Variants in PXT1 observed in about 807,000 individuals in gnomAD.
PXT1 encodes peroxisomal testis-specific protein 1.
PXT1 carries 11 observed loss-of-function variants against 11.0 expected under a neutral mutation model. The observed-to-expected ratio is 1.00, with a 90% CI of 0.63 to 1.66. PXT1 has a LOEUF of 1.66. Ranked by LOEUF, PXT1 falls within the 40% of genes most tolerant of loss-of-function variation. PXT1 has a pLI of 0.00. For missense variants in PXT1, 141 were observed against 155.5 expected, an observed-to-expected ratio of 0.91 and a Z score of 0.49; for synonymous variants, 43 against 51.4, an observed-to-expected ratio of 0.84 and a Z score of 0.70.
Position 36,420,047 on chromosome 6 carries a change from GA to G in PXT1, c.169+5866del, listed in dbSNP as rs376205493. On this transcript the variant is annotated intron_variant, in intron 3 of 4. Transcript: ENST00000454782. ...TTCATTTATTTATTTTTCTAAACAA[GA>G]AAATCTATTTTTTAAGCAAACACTT... Among the ~76,000 whole-genome samples, 439 of 152,272 alleles carry G rather than the reference GA, an allele frequency of 2.9e-3. 2 individuals carry two copies. Among genetic ancestry groups the G allele is most frequent in the African/African-American group, 0.01 (419 of 41,514 alleles).
intron 3 of PXT1, among the ~76,000 whole-genome samples, chr6:36,422,824 T>A (rs977876386): frequency 6.6e-5 from 10 of 152,214 alleles, no homozygotes; most frequent in African/African-American, 1.9e-4. Flanking sequence ...TACACACACA[T>A]GCACACGCAT....
chr6:36,426,355 C>CTTTTTTTTT (rs751410377), intron 2 of PXT1, among the ~76,000 whole-genome samples: 4 of 76,774 alleles, frequency 5.2e-5, no homozygotes, highest in African/African-American at 5.1e-5. Context: ...CTCTCTCTCG[C>CTTTTTTTTT]TTTTTTTTTT....
chr6:36,399,473 T>TAAA (rs1171265943), intron 4 of PXT1, among the ~76,000 whole-genome samples: 1 of 152,172 alleles, frequency 6.6e-6, no homozygotes, highest in Non-Finnish European at 1.5e-5. Flanking sequence ...GCATTATTGT[T>TAAA]GGGATCTCCC....
At chr6:36,404,782 A>T (rs1561926347) in intron 3 of PXT1, among the ~76,000 whole-genome samples, 1 of 152,040 alleles carries the variant, frequency 6.6e-6, no homozygotes, top group Non-Finnish European at 1.5e-5. Flanking sequence ...ACATGGTGAA[A>T]CCCTGTCTCT....
At chr6:36,426,149 T>G in intron 2 of PXT1, 58 bp from the exon 3 acceptor site, 1 of 1,055,756 alleles carries the variant, frequency 9.5e-7, no homozygotes, top group Non-Finnish European at 1.3e-6. Context: ...TATTTGGTAT[T>G]TTAGATAAAT....
At chr6:36,418,174 C>T (rs1774477706) in intron 3 of PXT1, among the ~76,000 whole-genome samples, 1 of 150,474 alleles carries the variant, frequency 6.6e-6, no homozygotes, top group Middle Eastern at 3.5e-3. Context: ...CCAGCCTGGG[C>T]GACAGAGCGA....
intron 2 of PXT1, among the ~76,000 whole-genome samples, chr6:36,432,380 C>A (rs764759004): frequency 6.6e-6 from 1 of 152,080 alleles, no homozygotes; most frequent in Non-Finnish European, 1.5e-5. Flanking sequence ...ATGCCACTCT[C>A]AAAAATAACA....
intron 2 of PXT1, among the ~76,000 whole-genome samples, chr6:36,431,719 T>C (rs1234247221): frequency 5.9e-5 from 9 of 152,006 alleles, no homozygotes; most frequent in Non-Finnish European, 1.5e-5. Context: ...GTGAGCCAGA[T>C]TGGGCTACTG....
chr6:36,411,343 C>T lies in PXT1; in HGVS notation c.170-10759G>A, dbSNP rs556378575. On this transcript the variant is annotated intron_variant, in intron 3 of 4. Transcript: ENST00000454782. ...GTGCACACCTGTAATCCCAGCTACT[C>T]GGGAGGCTGAGGCAGGAGAATCGCT... 2.9e-4 allele frequency among the ~76,000 whole-genome samples: 44 copies of T among 152,066 alleles called. No individual in the cohort carries two copies. The East Asian group carries it at 4.8e-3, about 17-fold the overall frequency.
chr6:36,416,284 G>T (rs1037617420), intron 3 of PXT1, among the ~76,000 whole-genome samples: 2 of 152,098 alleles, frequency 1.3e-5, no homozygotes, highest in Admixed American at 6.6e-5. Context: ...AGGAGCTGGC[G>T]GCTGCAGTGA....
chr6:36,403,241 C>T (rs1774239649), intron 3 of PXT1, among the ~76,000 whole-genome samples: 1 of 152,188 alleles, frequency 6.6e-6, no homozygotes, highest in Admixed American at 6.5e-5. Flanking sequence ...GAGTAACTTG[C>T]CTAGGGTTTG....
At position 36,400,538 on chromosome 6, in the gene PXT1, C is replaced by T; in HGVS notation, c.216G>A (p.Lys72=). ...SQPKEHSIVQ[K]HHQEEIIHKL... ...TGTGAATTATTTCCTCCTGGTGATG[C>T]TTCTGAACAATGCTATGCTCCTTGG... Residue 72 remains lysine (K), a synonymous_variant, in exon 4 of 5, where the codon AAG becomes AAA. Coordinates refer to ENST00000454782, the MANE Select transcript of PXT1 (RefSeq NM_152990.4). 1 of 1,613,922 alleles carries T rather than the reference C, an allele frequency of 6.2e-7. No homozygotes were observed. Among genetic ancestry groups the T allele is most frequent in the Non-Finnish European group, 8.5e-7 (1 of 1,179,872 alleles).
chr6:36,419,009 C>G (rs1002009138), intron 3 of PXT1, among the ~76,000 whole-genome samples: 13 of 152,188 alleles, frequency 8.5e-5, no homozygotes, highest in Admixed American at 8.5e-4. Flanking sequence ...AAATTGCAAC[C>G]CTATTGCCTG....
intron 2 of PXT1, among the ~76,000 whole-genome samples, chr6:36,436,054 GT>G (rs1237142263): frequency 2.2e-5 from 3 of 139,102 alleles, no homozygotes; most frequent in African/African-American, 8.0e-5. Context: ...ACAATGATTG[GT>G]TTTTAAATGA....
chr6:36,393,142 T>A (rs1180911046), intron 4 of PXT1: 1 of 152,054 alleles, frequency 6.6e-6, no homozygotes, highest in East Asian at 1.9e-4. Context: ...CGGCTAATTT[T>A]TTTTGTATTT....
At chr6:36,439,791 A>C (rs992553972) in intron 1 of PXT1, among the ~76,000 whole-genome samples, 6 of 152,204 alleles carry the variant, frequency 3.9e-5, no homozygotes, top group Non-Finnish European at 8.8e-5. Context: ...CATTAACAGG[A>C]ATAACAAGAG....
intron 3 of PXT1, among the ~76,000 whole-genome samples, chr6:36,423,895 T>TA (rs1774562867): frequency 1.3e-5 from 2 of 152,208 alleles, no homozygotes; most frequent in Non-Finnish European, 2.9e-5. Context: ...AACTCGCGTA[T>TA]GGTAAAACGG....
chr6:36,406,598 G>T (rs1342247223), intron 3 of PXT1, among the ~76,000 whole-genome samples: 1 of 151,996 alleles, frequency 6.6e-6, no homozygotes, highest in Admixed American at 6.6e-5. Context: ...GGATCACGAG[G>T]TCAGGAGTTC....
intron 3 of PXT1, among the ~76,000 whole-genome samples, chr6:36,419,852 T>C (rs1774499322): frequency 1.3e-5 from 2 of 152,272 alleles, no homozygotes; most frequent in South Asian, 4.1e-4. Context: ...TATTTGGCCT[T>C]TGATCAGCAA....
Sources: allele counts gnomAD v4.1 joint callset (sites outside exome capture counted in the v4.1 genomes callset), GRCh38; gene constraint gnomAD v4.1.1; transcripts MANE v1.5; gene names NCBI Gene and HGNC (gene_info 2026-07-23, HGNC 2026-07-21).